Variants in TENM2 observed in about 807,000 individuals in gnomAD.
TENM2 encodes teneurin-2.
In TENM2, 52 loss-of-function variants were observed where a neutral mutation model predicts 245.2. The observed-to-expected ratio is 0.21, with a 90% confidence interval of 0.17 to 0.27. The LOEUF (loss-of-function observed/expected upper bound fraction) is 0.27, where lower values mean the gene tolerates loss of function less well. Among genes scored for constraint, TENM2 ranks in the 10% least tolerant of loss-of-function variants. The pLI is 1.00. For synonymous variants in TENM2, 1,363 were observed against 1,438.9 expected, an observed-to-expected ratio of 0.95 and a Z score of 1.19; for missense variants, 3,046 against 3,666.8, an observed-to-expected ratio of 0.83 and a Z score of 4.37.
At chr5:167,279,156 T>C in the TENM2 span, among the ~76,000 whole-genome samples, 4 of 152,202 alleles carry the variant, frequency 2.6e-5, no homozygotes, top group Admixed American at 1.3e-4. Context: ...GTTCAGATCA[T>C]TTGCCCCTAT....
chr5:167,012,862 ATT>A, the TENM2 span, among the ~76,000 whole-genome samples: 6 of 150,540 alleles, frequency 4.0e-5, no homozygotes, highest in East Asian at 5.9e-4. Flanking sequence ...GTGTGTGTGT[ATT>A]TTTTTTTTAT....
At chr5:167,103,873 T>A in the TENM2 span, among the ~76,000 whole-genome samples, 2 of 151,982 alleles carry the variant, frequency 1.3e-5, no homozygotes, top group South Asian at 4.2e-4. Context: ...TACCCACATG[T>A]GCATGTGTGT....
chr5:167,734,752 G>T (rs4357058), intron 2 of TENM2, among the ~76,000 whole-genome samples: 4,014 of 152,202 alleles, frequency 0.026, 193 homozygotes, highest in East Asian at 0.13. Flanking sequence ...CACTGAGCTT[G>T]ACCTACCGCC....
intron 2 of TENM2, among the ~76,000 whole-genome samples, chr5:167,452,542 G>A (rs1335928922): frequency 1.3e-5 from 2 of 152,128 alleles, no homozygotes; most frequent in African/African-American, 2.4e-5. Context: ...ATTGTTATGT[G>A]ATGAAAGTGC....
chr5:167,936,343 A>C (rs1161593355), intron 3 of TENM2, among the ~76,000 whole-genome samples: 2 of 152,258 alleles, frequency 1.3e-5, no homozygotes, highest in African/African-American at 2.4e-5. Flanking sequence ...CATGAGCTTT[A>C]GCAAACAATA....
At chr5:167,911,065 C>T (rs1235947557) in intron 3 of TENM2, among the ~76,000 whole-genome samples, 2 of 152,040 alleles carry the variant, frequency 1.3e-5, no homozygotes, top group Non-Finnish European at 2.9e-5. Flanking sequence ...TTTTCAACTA[C>T]AACAATCTCA....
intron 2 of TENM2, among the ~76,000 whole-genome samples, chr5:167,520,246 G>A (rs770583879): frequency 1.3e-5 from 2 of 152,170 alleles, no homozygotes; most frequent in African/African-American, 2.4e-5. Flanking sequence ...TCATTGAGCA[G>A]TACACATCAA....
intron 3 of TENM2, among the ~76,000 whole-genome samples, chr5:167,882,981 G>A (rs1773996348): frequency 6.6e-6 from 1 of 152,166 alleles, no homozygotes; most frequent in Admixed American, 6.5e-5. Flanking sequence ...CCCAATGTTA[G>A]AGGCTCCCCA....
chr5:168,112,615 G>GGA (rs201538328), intron 9 of TENM2, among the ~76,000 whole-genome samples: 2 of 112,836 alleles, frequency 1.8e-5, no homozygotes, highest in Admixed American at 9.0e-5. Context: ...GCGGGGGGGG[G>GGA]GTCAAACTTT....
At chr5:167,785,727 T>C (rs1764531639) in intron 2 of TENM2, among the ~76,000 whole-genome samples, 1 of 152,176 alleles carries the variant, frequency 6.6e-6, no homozygotes, top group African/African-American at 2.4e-5. Context: ...AATTCAGACT[T>C]TAGAAACTGG....
Position 168,125,204 on chromosome 5 carries a change from A to G in TENM2, c.2209+154A>G, listed in dbSNP as rs77719428. ...TGTCTTTCTCATTCTCTTCTCCTCA[A>G]TCGTGGAGTCTGTGATCTTTGAGAA... is the stretch of plus-strand genomic sequence containing the variant. On this transcript the variant is annotated intron_variant, in intron 11 of 28. Coordinates refer to ENST00000518659, the Ensembl canonical transcript of TENM2. Among the ~76,000 whole-genome samples the G allele has an allele frequency of 7.0e-3, 1,060 of 152,284 alleles. 15 individuals carry two copies. The highest frequency in any genetic ancestry group is 0.024 in the African/African-American group (1,017 of 41,560).
chr5:167,350,444 T>C (rs1465694036), intron 1 of TENM2, among the ~76,000 whole-genome samples: 2 of 149,114 alleles, frequency 1.3e-5, no homozygotes, highest in African/African-American at 4.9e-5. Context: ...TGTGTGTGTG[T>C]GTATGTATGT....
intron 1 of TENM2, among the ~76,000 whole-genome samples, chr5:167,320,523 TC>T (rs1220401565): frequency 1.3e-5 from 2 of 151,908 alleles, no homozygotes; most frequent in Non-Finnish European, 2.9e-5. Flanking sequence ...GAATGTTTGT[TC>T]CCTCTGAAAC....
chr5:167,071,878 G>GCCCCC, the TENM2 span, among the ~76,000 whole-genome samples: 3 of 124,024 alleles, frequency 2.4e-5, no homozygotes, highest in Non-Finnish European at 5.1e-5. Flanking sequence ...TTGACAAATC[G>GCCCCC]CCCCCCCCCG....
At chr5:167,717,595 T>A (rs921615355) in intron 2 of TENM2, among the ~76,000 whole-genome samples, 3 of 152,164 alleles carry the variant, frequency 2.0e-5, no homozygotes, top group African/African-American at 7.2e-5. Context: ...AATAAAAAAA[T>A]TAATTAATTT....
the TENM2 span, among the ~76,000 whole-genome samples, chr5:167,128,765 C>A: frequency 6.6e-6 from 1 of 152,146 alleles, no homozygotes; most frequent in Non-Finnish European, 1.5e-5. Flanking sequence ...TTGTTGCATG[C>A]CCATCTAATG....
intron 2 of TENM2, among the ~76,000 whole-genome samples, chr5:167,807,889 G>A (rs919997671): frequency 2.6e-5 from 4 of 152,184 alleles, no homozygotes; most frequent in Admixed American, 6.5e-5. Flanking sequence ...AAATCAGAAT[G>A]TGTAGGAATG....
At chr5:167,807,914 G>C (rs913269941) in intron 2 of TENM2, among the ~76,000 whole-genome samples, 11 of 152,144 alleles carry the variant, frequency 7.2e-5, no homozygotes, top group African/African-American at 2.2e-4. Flanking sequence ...CCAGGCAACT[G>C]TGTTTTTTAA....
chr5:168,037,442 T>C (rs1787806793), intron 5 of TENM2, among the ~76,000 whole-genome samples: 1 of 152,100 alleles, frequency 6.6e-6, no homozygotes, highest in Non-Finnish European at 1.5e-5. Flanking sequence ...AAAATGGTGA[T>C]TTTAGATTCT....
Sources: allele counts gnomAD v4.1 joint callset (sites outside exome capture counted in the v4.1 genomes callset), GRCh38; gene constraint gnomAD v4.1.1; transcripts MANE v1.5; gene names NCBI Gene and HGNC (gene_info 2026-07-23, HGNC 2026-07-21).